Variants in CSNK1A1 observed in about 807,000 individuals in gnomAD.
CSNK1A1 encodes casein kinase 1 alpha 1, also known as casein kinase I isoform alpha.
In CSNK1A1, 7 loss-of-function variants were observed where a neutral mutation model predicts 46.1. That is an observed-to-expected ratio of 0.15 (90% CI 0.09 to 0.29). The LOEUF (loss-of-function observed/expected upper bound fraction) is 0.29. Among genes scored for constraint, CSNK1A1 ranks in the 10% least tolerant of loss-of-function variants. The pLI is 1.00. For synonymous variants in CSNK1A1, 137 were observed against 141.5 expected, an observed-to-expected ratio of 0.97 and a Z score of 0.23; for missense variants, 96 against 417.1, an observed-to-expected ratio of 0.23 and a Z score of 6.71.
At chr5:149,506,599 C>T (rs114490209) in intron 8 of CSNK1A1, among the ~76,000 whole-genome samples, 2 of 152,120 alleles carry the variant, frequency 1.3e-5, no homozygotes, top group East Asian at 1.9e-4. Flanking sequence ...TCTATTCCCC[C>T]CCCTTTTTCA....
chr5:149,536,669 A>C (rs935706886), intron 2 of CSNK1A1, among the ~76,000 whole-genome samples: 2 of 152,220 alleles, frequency 1.3e-5, no homozygotes, highest in Non-Finnish European at 2.9e-5. Flanking sequence ...ACCTCAAAGA[A>C]AGAAAAGATG....
At chr5:149,520,544 A>G (rs993716155) in intron 3 of CSNK1A1, among the ~76,000 whole-genome samples, 156 bp from the exon 4 acceptor site, 2 of 152,230 alleles carry the variant, frequency 1.3e-5, no homozygotes, top group African/African-American at 2.4e-5. Flanking sequence ...ATTTATTTCT[A>G]GGTTAATGGA....
intron 3 of CSNK1A1, among the ~76,000 whole-genome samples, chr5:149,524,055 ATGCTT>A (rs1761658647): frequency 6.6e-6 from 1 of 152,190 alleles, no homozygotes; most frequent in Non-Finnish European, 1.5e-5. Context: ...GCTCACAGTG[ATGCTT>A]TGGGTAATAC....
chr5:149,498,729 T>C (rs1580814293), intron 9 of CSNK1A1: 4 of 985,156 alleles, frequency 4.1e-6, no homozygotes, highest in African/African-American at 1.7e-5. Context: ...AGTTTTCTTA[T>C]GTAATCATAT....
intron 9 of CSNK1A1, chr5:149,500,905 G>A (rs1580817115): frequency 2.4e-6 from 2 of 820,518 alleles, no homozygotes; most frequent in Non-Finnish European, 2.9e-6. Flanking sequence ...AAGTATAGGA[G>A]GTATACACTA....
At position 149,533,675 on chromosome 5, in the gene CSNK1A1, C is replaced by CAA. The variant is rs200137063; in HGVS notation, c.231-8506_231-8505dup. The stretch of plus-strand genomic sequence containing the variant: ...AAATAATTGAGCGGGGACGTAGTTG[C>CAA]AAAAAAAAAAAAAATCACAAATGAC... On this transcript the variant is annotated intron_variant, in intron 2 of 9. Coordinates refer to ENST00000377843, the MANE Select transcript of CSNK1A1 (RefSeq NM_001892.6). Among the ~76,000 whole-genome samples, 172 of 134,440 alleles carry CAA rather than the reference C, an allele frequency of 1.3e-3. 2 individuals are homozygous for CAA. In the East Asian group the frequency reaches 0.025, roughly 20 times the overall value. 88.2% of individuals were successfully genotyped at this position (134,440 alleles called of 152,430 possible).
intron 2 of CSNK1A1, among the ~76,000 whole-genome samples, chr5:149,528,558 T>C (rs1441817113): frequency 1.3e-5 from 2 of 152,206 alleles, no homozygotes; most frequent in Non-Finnish European, 2.9e-5. Context: ...ATCTTACTTA[T>C]TCTTAGTTTC....
At chr5:149,529,113 T>C (rs1761807795) in intron 2 of CSNK1A1, among the ~76,000 whole-genome samples, 1 of 152,160 alleles carries the variant, frequency 6.6e-6, no homozygotes, top group Non-Finnish European at 1.5e-5. Context: ...TTACGAAACA[T>C]TAAAAAAAAT....
At chr5:149,497,363 A>C (rs577958861) in intron 9 of CSNK1A1, 52 of 986,224 alleles carry the variant, frequency 5.3e-5, no homozygotes, top group Non-Finnish European at 6.1e-5. Context: ...GAAGCATGTA[A>C]TTTCTGTAGA....
chr5:149,521,270 CTT>C (rs909460651), intron 3 of CSNK1A1, among the ~76,000 whole-genome samples: 35 of 123,906 alleles, frequency 2.8e-4, no homozygotes, highest in African/African-American at 6.3e-4. Context: ...ATTTACTCTT[CTT>C]TTTTTTTTTT....
Position 149,525,296 on chromosome 5 carries a change from A to G in CSNK1A1, c.231-125T>C. ...ATATAAGGCGAATGTTCCCCTACTC[A>G]GAAGACAAACCCACTAATTAACTAC... On this transcript the variant is annotated intron_variant, in intron 2 of 9. Coordinates refer to ENST00000377843, the MANE Select transcript of CSNK1A1 (RefSeq NM_001892.6). This position sits in a 1 kb window ranked among gnomAD's most constrained non-coding sequence, Gnocchi z 4.2. 1 of 1,011,228 alleles carries G rather than the reference A, an allele frequency of 9.9e-7. No individual in the cohort carries two copies. Among genetic ancestry groups the G allele is most frequent in the South Asian group, 2.3e-5 (1 of 42,964 alleles). 62.6% of individuals were successfully genotyped at this position (1,011,228 alleles called of 1,614,324 possible). A position where few individuals can be genotyped will look rare whatever the true frequency, so the allele number is the denominator to read the frequency against.
At chr5:149,542,638 A>T (rs1265573891) in intron 2 of CSNK1A1, among the ~76,000 whole-genome samples, 4 of 12,876 alleles carry the variant, frequency 3.1e-4, no homozygotes, top group African/African-American at 4.9e-4. Flanking sequence ...ATATATATAT[A>T]TGTATATATA....
intron 2 of CSNK1A1, among the ~76,000 whole-genome samples, chr5:149,534,279 C>T (rs140054415): frequency 0.011 from 1,601 of 151,676 alleles, 23 homozygotes; most frequent in African/African-American, 0.037. Context: ...CAAGAGAGAT[C>T]GAGACCATCC....
intron 2 of CSNK1A1, among the ~76,000 whole-genome samples, chr5:149,530,764 G>C (rs1198239730): frequency 1.3e-5 from 2 of 151,692 alleles, no homozygotes; most frequent in Admixed American, 6.6e-5. Context: ...CCAGGAGTTC[G>C]AGACCAGTCT....
In CSNK1A1 at chr5:149,550,704, C is replaced by T; in HGVS notation, c.123+138G>A. Reference sequence around the variant, plus strand: ...GGAGACAGCGGACGAGGTTCGTAAGCCAGGAAAACTAGCTCCCTGGACTCC... The same window carrying T: ...GGAGACAGCGGACGAGGTTCGTAAGTCAGGAAAACTAGCTCCCTGGACTCC... On this transcript the variant is annotated intron_variant, in intron 1 of 9. Transcript: ENST00000377843. This position sits in a 1 kb window ranked among gnomAD's most constrained non-coding sequence, Gnocchi z 4.3. 1 of 1,253,086 alleles carries T rather than the reference C, an allele frequency of 8.0e-7. No individual in the cohort carries two copies. Among genetic ancestry groups the T allele is most frequent in the Non-Finnish European group, 1.1e-6 (1 of 913,160 alleles). The allele number at this position is 1,253,086 out of a possible 1,614,324, so 77.6% of individuals were successfully genotyped here.
intron 2 of CSNK1A1, among the ~76,000 whole-genome samples, chr5:149,542,005 C>G (rs1250020459): frequency 6.9e-6 from 1 of 145,648 alleles, no homozygotes; most frequent in Non-Finnish European, 1.5e-5. Flanking sequence ...AGATCTAGGT[C>G]CAGAAATGAC....
In CSNK1A1 at chr5:149,494,426, T is replaced by C. The variant is rs1007526340; in HGVS notation, c.*2427A>G. On this transcript the variant is annotated 3_prime_UTR_variant, in exon 10 of 10. Transcript: ENST00000377843. ...TTAGAATGGCCATCTCCCAACATTT[T>C]AAAAAAACTGCACCCCCCAATGGGT... 6.6e-6 allele frequency: 1 copy of C among 152,158 alleles called. No individual in the cohort carries two copies. The highest frequency in any genetic ancestry group is 2.4e-5 in the African/African-American group (1 of 41,428). 9.4% of individuals were successfully genotyped at this position (152,158 alleles called of 1,614,324 possible).
At chr5:149,498,586 CA>C in intron 9 of CSNK1A1, 1 of 983,184 alleles carries the variant, frequency 1.0e-6, no homozygotes, top group South Asian at 4.7e-5. Context: ...AAGGATTAAA[CA>C]GAAATTAAAC....
intron 3 of CSNK1A1, among the ~76,000 whole-genome samples, chr5:149,524,654 T>C (rs1761674678): frequency 6.6e-6 from 1 of 152,176 alleles, no homozygotes; most frequent in African/African-American, 2.4e-5. Flanking sequence ...AAAATATAGC[T>C]TTTCTAAGAG....
Sources: gnomAD v4.1 joint callset for allele counts (sites outside exome capture counted in the v4.1 genomes callset) on GRCh38, gnomAD v4.1.1 for gene constraint, Gnocchi (gnomAD v3.1) non-coding constraint, MANE v1.5 for transcripts, NCBI Gene and HGNC (gene_info 2026-07-23, HGNC 2026-07-21) for gene names.